ZNF471: variants seen among roughly 807,000 people sequenced by gnomAD.
ZNF471 encodes the protein zinc finger protein 471, also known as EZFIT-related protein 1.
ZNF471 carries 7 observed loss-of-function variants against 13.7 expected under a neutral mutation model. That is an observed-to-expected ratio of 0.51 (90% CI 0.29 to 0.96). The LOEUF (loss-of-function observed/expected upper bound fraction) is 0.96. ZNF471 is among the 40% of genes least tolerant of loss of function. The probability of loss-of-function intolerance (pLI) is 0.08; values close to 1 mark genes in which losing one functional copy is unlikely to be tolerated. For synonymous variants in ZNF471, 218 were observed against 235.6 expected, an observed-to-expected ratio of 0.93 and a Z score of 0.68; for missense variants, 663 against 743.3, an observed-to-expected ratio of 0.89 and a Z score of 1.26.
At chr19:56,520,018 G>T (rs80162711) in intron 4 of ZNF471, among the ~76,000 whole-genome samples, 1 of 152,226 alleles carries the variant, frequency 6.6e-6, no homozygotes, top group South Asian at 2.1e-4. Flanking sequence ...GGTTTCTGGC[G>T]TCCACTGGGT....
chr19:56,530,083 C>T lies in ZNF471; in HGVS notation c.*4135C>T, dbSNP rs1304336238. The T allele has an allele frequency of 6.6e-6, 1 of 152,184 alleles. No homozygotes were observed. Among genetic ancestry groups the T allele is most frequent in the Non-Finnish European group, 1.5e-5 (1 of 68,036 alleles). The allele number at this position is 152,184 out of a possible 1,614,324, so 9.4% of individuals were successfully genotyped here. On this transcript the variant is annotated 3_prime_UTR_variant, in exon 5 of 5. Coordinates refer to ENST00000308031, the MANE Select transcript of ZNF471 (RefSeq NM_020813.4). ...TACAGAAAATCAGTTTAGTAGATCA[C>T]TGTGTAGTTACGGAAAATGAGATGG...
chr19:56,509,714 G>GGT (rs34707423), intron 1 of ZNF471: 30,028 of 178,108 alleles, frequency 0.17, 3,228 homozygotes, highest in African/African-American at 0.31. Flanking sequence ...TTGCTTGCCT[G>GGT]GTGTGTGTGT....
intron 2 of ZNF471, among the ~76,000 whole-genome samples, chr19:56,515,208 T>C (rs554821057): frequency 6.6e-6 from 1 of 152,174 alleles, no homozygotes; most frequent in Non-Finnish European, 1.5e-5. Context: ...GTTTTTTCTG[T>C]GGGAACAGCC....
Position 56,525,756 on chromosome 19 carries a change from A to C in ZNF471, c.1689A>C (p.Arg563Ser), listed in dbSNP as rs773240863. ...CTTCCAATCTTACTCAACATCAAAG[A>C]ATTCATACTGGAGAGAAACCCTATA... is the stretch of plus-strand genomic sequence containing the variant. ...SQTSNLTQHQ[R>S]IHTGEKPYKC... The change falls in exon 5 of 5, where the codon AGA becomes AGC. Residue 563 changes from arginine to serine, a missense_variant. Arg to Ser is a moderately radical substitution (Grantham distance 110). Transcript: ENST00000308031. The C allele has an allele frequency of 6.2e-7, 1 of 1,613,894 alleles. No homozygotes were observed. The highest frequency in any genetic ancestry group is 1.7e-5 in the Admixed American group (1 of 60,010).
chr19:56,523,795 C>G (rs906230308), intron 4 of ZNF471, among the ~76,000 whole-genome samples: 3 of 152,070 alleles, frequency 2.0e-5, no homozygotes, highest in Non-Finnish European at 4.4e-5. Context: ...AGGATTTCAT[C>G]CTACATTGAG....
chr19:56,529,452 A>C lies in ZNF471; in HGVS notation c.*3504A>C, dbSNP rs1305127353. On this transcript the variant is annotated 3_prime_UTR_variant, in exon 5 of 5. Transcript: ENST00000308031. ...TTTGATAAGCAGGACAAGGTCCAGA[A>C]GCCATGAAGAGAGAATGACAGGACT... 1 of 152,190 alleles carries C rather than the reference A, an allele frequency of 6.6e-6. No homozygotes were observed. The highest frequency in any genetic ancestry group is 1.5e-5 in the Non-Finnish European group (1 of 68,040). 9.4% of individuals were successfully genotyped at this position (152,190 alleles called of 1,614,324 possible).
chr19:56,517,236 A>T (rs1239073463), intron 3 of ZNF471, among the ~76,000 whole-genome samples: 1 of 146,452 alleles, frequency 6.8e-6, no homozygotes, highest in Non-Finnish European at 1.5e-5. Flanking sequence ...AGGTTCAAGC[A>T]ATTCTCCTGC....
rs761836983 is a variant in ZNF471, at chr19:56,518,584, G to A, written c.256+7G>A. On this transcript the variant is annotated splice_region_variant and intron_variant, in intron 4 of 4. Transcript: ENST00000308031. ...ACAAGAAGCCCATTCTCAGGTGAGT[G>A]TGGAAGAACCAGAGAGGGGAATCTT... is the stretch of plus-strand genomic sequence containing the variant. 5.0e-6 allele frequency: 8 copies of A among 1,610,692 alleles called. No homozygotes were observed. The South Asian group carries it at 5.5e-5, about 11-fold the overall frequency.
In ZNF471 at chr19:56,525,711, C is replaced by T. The variant is rs138719670; in HGVS notation, c.1644C>T (p.Cys548=). The T allele has an allele frequency of 1.1e-5, 18 of 1,613,424 alleles. No homozygotes were observed. The East Asian group carries it at 2.0e-4, about 18-fold the overall frequency. Reference sequence around the variant, plus strand: ...AGAAACCTTATGAGTGTAATGAATGCGGGAAAGCCTTCAGCCAAACTTCCA... The same window carrying T: ...AGAAACCTTATGAGTGTAATGAATGTGGGAAAGCCTTCAGCCAAACTTCCA... ...TGEKPYECNE[C]GKAFSQTSNL... Residue 548 remains cysteine, a synonymous_variant, in exon 5 of 5, where the codon TGC becomes TGT. Transcript: ENST00000308031.
At chr19:56,519,032 C>T (rs2043933360) in intron 4 of ZNF471, among the ~76,000 whole-genome samples, 2 of 152,124 alleles carry the variant, frequency 1.3e-5, no homozygotes, top group Admixed American at 1.3e-4. Flanking sequence ...TCAGCTCCTT[C>T]CTACTTCTAT....
chr19:56,524,858 G>A lies in ZNF471; in HGVS notation c.791G>A (p.Cys264Tyr), dbSNP rs533651245. Residue 264 changes from cysteine (C) to tyrosine (Y), a missense_variant, in exon 5 of 5, where the codon TGT (cysteine) becomes TAT (tyrosine). Cys to Tyr is a radical substitution (Grantham distance 194, BLOSUM62 -2). Transcript: ENST00000308031. The surrounding 1 kb of genome is among the most constrained non-coding windows in gnomAD (Gnocchi z 4.8). ...CATACTGGAGAGAAACTCTTTGAAT[G>A]TAAAGAATGTAGGAAAGCCTTCAAA... is the stretch of plus-strand genomic sequence containing the variant. The part of the protein sequence containing the change: ...RTHTGEKLFE[C>Y]KECRKAFKQS... The A allele has an allele frequency of 3.6e-5, 58 of 1,610,554 alleles. 1 individual carries two copies. In the South Asian group the frequency reaches 5.8e-4, roughly 16 times the overall value.
intron 3 of ZNF471, among the ~76,000 whole-genome samples, chr19:56,517,264 C>T (rs1314004033): frequency 1.4e-5 from 2 of 145,802 alleles, no homozygotes; most frequent in Non-Finnish European, 3.0e-5. Context: ...TCCCAAGTAG[C>T]TGGATTACAG....
rs2147924477 is a variant in ZNF471, at chr19:56,522,269, T to C, written c.257-2055T>C. Among the ~76,000 whole-genome samples, 1 of 152,338 alleles carries C rather than the reference T, an allele frequency of 6.6e-6. No individual in the cohort carries two copies. The highest frequency in any genetic ancestry group is 1.9e-4 in the East Asian group (1 of 5,182). ...TATTCAAGACACTGGATATTCCTGATACCATGAAGACCTGGACTACAAAGC... is the reference window on the plus strand; with the variant it reads ...TATTCAAGACACTGGATATTCCTGACACCATGAAGACCTGGACTACAAAGC... On this transcript the variant is annotated intron_variant, in intron 4 of 4. Coordinates refer to ENST00000308031, the MANE Select transcript of ZNF471 (RefSeq NM_020813.4). The surrounding 1 kb of genome is among the most constrained non-coding windows in gnomAD (Gnocchi z 4.1).
chr19:56,513,999 G>A (rs1223908318), intron 2 of ZNF471, among the ~76,000 whole-genome samples: 2 of 148,100 alleles, frequency 1.4e-5, no homozygotes, highest in Non-Finnish European at 3.0e-5. Context: ...ATATTGATAT[G>A]TTATTAGTAA....
Position 56,510,391 on chromosome 19 carries a change from C to T in ZNF471, c.-55-1126C>T, listed in dbSNP as rs779501093. 9.0e-5 allele frequency: 89 copies of T among 985,250 alleles called. No individual in the cohort carries two copies. The highest frequency in any genetic ancestry group is 1.0e-4 in the Non-Finnish European group (83 of 829,942). 61.0% of individuals were successfully genotyped at this position (985,250 alleles called of 1,614,324 possible). On this transcript the variant is annotated intron_variant, in intron 1 of 4. Coordinates refer to ENST00000308031, the MANE Select transcript of ZNF471 (RefSeq NM_020813.4). The surrounding 1 kb of genome is among the most constrained non-coding windows in gnomAD (Gnocchi z 4.3). ...TGGGTGAGAAAGAAACTATGTGAAC[C>T]ATGGTGTGTTATCCAAAAGGCTTTA...
Position 56,510,041 on chromosome 19 carries a change from GGTGTGA to G in ZNF471, c.-55-1470_-55-1465del. On this transcript the variant is annotated intron_variant, in intron 1 of 4. Coordinates refer to ENST00000308031, the MANE Select transcript of ZNF471 (RefSeq NM_020813.4). This position sits in a 1 kb window ranked among gnomAD's most constrained non-coding sequence, Gnocchi z 4.3. ...TGATTGGGAGAGACTGGGGTATGTT[GGTGTGA>G]GTGTGTGAGAGACCAATGGGTATGT... The G allele has an allele frequency of 1.0e-6, 1 of 985,586 alleles. No individual in the cohort carries two copies. The highest frequency in any genetic ancestry group is 1.2e-6 in the Non-Finnish European group (1 of 830,054). The allele number at this position is 985,586 out of a possible 1,614,324, so 61.1% of individuals were successfully genotyped here.
At position 56,525,824 on chromosome 19, in the gene ZNF471, G is replaced by A. The variant is rs1446766689; in HGVS notation, c.1757G>A (p.Cys586Tyr). Residue 586 changes from cysteine (C) to tyrosine (Y), a missense_variant, in exon 5 of 5, where the codon TGT (cysteine) becomes TAT (tyrosine). Coordinates refer to ENST00000308031, the MANE Select transcript of ZNF471 (RefSeq NM_020813.4). Reference sequence around the variant, plus strand: ...AAGGCTTTTAGTGATAGCTCATCCTGTGCTCAGCATCAAAGACTCCACACT... The same window carrying A: ...AAGGCTTTTAGTGATAGCTCATCCTATGCTCAGCATCAAAGACTCCACACT... ...CGKAFSDSSS[C>Y]AQHQRLHTGQ... The A allele has an allele frequency of 7.4e-6, 12 of 1,614,046 alleles. No individual in the cohort carries two copies. The highest frequency in any genetic ancestry group is 1.7e-5 in the Admixed American group (1 of 60,002).
chr19:56,519,833 T>C (rs1375536042), intron 4 of ZNF471, among the ~76,000 whole-genome samples: 1 of 152,256 alleles, frequency 6.6e-6, no homozygotes, highest in Non-Finnish European at 1.5e-5. Context: ...TTGTGCACCA[T>C]TCTGAGTTGT....
At position 56,508,097 on chromosome 19, in the gene ZNF471, GGCTCGGGGCTGCTGGGC is replaced by G; in HGVS notation, c.-56+179_-56+195del. 1 of 985,056 alleles carries G rather than the reference GGCTCGGGGCTGCTGGGC, an allele frequency of 1.0e-6. No individual in the cohort carries two copies. Among genetic ancestry groups the G allele is most frequent in the Non-Finnish European group, 1.2e-6 (1 of 829,568 alleles). 61.0% of individuals were successfully genotyped at this position (985,056 alleles called of 1,614,324 possible). ...CTCGAGTCTGCGGGGCGGAGGCCGC[GGCTCGGGGCTGCTGGGC>G]GTTCGGGGCGGCTTGGGGCGGCGGG... On this transcript the variant is annotated intron_variant, in intron 1 of 4. Coordinates refer to ENST00000308031, the MANE Select transcript of ZNF471 (RefSeq NM_020813.4). The surrounding 1 kb of genome is among the most constrained non-coding windows in gnomAD (Gnocchi z 4.7).
Sources: gnomAD v4.1 joint callset for allele counts (sites outside exome capture counted in the v4.1 genomes callset) on GRCh38, gnomAD v4.1.1 for gene constraint, Gnocchi (gnomAD v3.1) non-coding constraint, MANE v1.5 for transcripts, NCBI Gene and HGNC (gene_info 2026-07-23, HGNC 2026-07-21) for gene names.